The following SP140 variants were observed in gnomAD, a reference collection of about 807,000 sequenced individuals.
SP140 encodes the protein SP140 nuclear body protein.
In SP140, 81 loss-of-function variants were observed where a neutral mutation model predicts 125.0. That is an observed-to-expected ratio of 0.65 (90% CI 0.54 to 0.78). The LOEUF (loss-of-function observed/expected upper bound fraction) is 0.78. SP140 is among the 30% of genes least tolerant of loss of function. The pLI is 0.00. For missense variants in SP140, 858 were observed against 1,037.0 expected, an observed-to-expected ratio of 0.83 and a Z score of 2.37; for synonymous variants, 312 against 354.0, an observed-to-expected ratio of 0.88 and a Z score of 1.33.
In SP140 at chr2:230,290,504, T is replaced by C; in HGVS notation, c.1765T>C (p.Leu589=). The change falls in exon 19 of 27, where the codon TTG becomes CTG. Residue 589 remains leucine, a synonymous_variant. Transcript: ENST00000392045. ...TGAAACTGTGGATTTTAAGGCTCCT[T>C]TGCTTCCAGTGACCTGTGGTGGGGT... ...KDETVDFKAP[L]LPVTCGGVKG... is the part of the protein sequence containing the mutation. The C allele has an allele frequency of 6.2e-7, 1 of 1,613,996 alleles. No homozygotes were observed. The highest frequency in any genetic ancestry group is 8.5e-7 in the Non-Finnish European group (1 of 1,179,962).
intron 12 of SP140, among the ~76,000 whole-genome samples, chr2:230,259,000 T>C (rs2051730115): frequency 6.6e-6 from 1 of 152,172 alleles, no homozygotes; most frequent in Non-Finnish European, 1.5e-5. Flanking sequence ...TTGAGGCAAC[T>C]AGGATGAGAT....
At position 230,211,527 on chromosome 2, in the gene SP140, T is replaced by C; in HGVS notation, c.-322-2127T>C. ...TCTTGAGGGTCTTCTTTATCTCTTA[T>C]TTGGGGGATCAGGTTGTCACTGGCC... On this transcript the variant is annotated intron_variant, in intron 1 of 4. Transcript: ENST00000456542. This position sits in a 1 kb window ranked among gnomAD's most constrained non-coding sequence, Gnocchi z 4.2. 1 of 1,611,172 alleles carries C rather than the reference T, an allele frequency of 6.2e-7. No homozygotes were observed. The highest frequency in any genetic ancestry group is 8.5e-7 in the Non-Finnish European group (1 of 1,177,354).
At chr2:230,189,215 T>A in the SP140 span, among the ~76,000 whole-genome samples, 1 of 152,098 alleles carries the variant, frequency 6.6e-6, no homozygotes. Context: ...TCTTCTCTCA[T>A]CTTTCTTTTT....
intron 22 of SP140, among the ~76,000 whole-genome samples, chr2:230,308,794 C>T (rs1292475975): frequency 1.3e-5 from 2 of 152,202 alleles, no homozygotes; most frequent in Non-Finnish European, 2.9e-5. Context: ...GCAGAGCCGG[C>T]GGAGGACTTG....
intron 15 of SP140, among the ~76,000 whole-genome samples, chr2:230,274,764 C>CT (rs982560208): frequency 4.0e-5 from 6 of 150,734 alleles, no homozygotes; most frequent in African/African-American, 7.3e-5. Flanking sequence ...CACCTTTATG[C>CT]TTTTTTTTTC....
chr2:230,310,035 G>C lies in SP140; in HGVS notation c.2170G>C (p.Glu724Gln). Residue 724 changes from glutamate to glutamine, a missense_variant, in exon 23 of 27, where the codon GAG becomes CAG. Coordinates refer to ENST00000392045, the MANE Select transcript of SP140 (RefSeq NM_007237.5). The stretch of plus-strand genomic sequence containing the variant: ...CTGTCACATCCCGCCTGTGGAAGCT[G>C]AGAGGTAAGTGACATGCAGGCGTCT... ...EDCHIPPVEA[E>Q]RTPWNCIFCR... The C allele has an allele frequency of 1.9e-6, 3 of 1,614,144 alleles. No individual in the cohort carries two copies. Among genetic ancestry groups the C allele is most frequent in the Non-Finnish European group, 2.5e-6 (3 of 1,179,984 alleles).
At chr2:230,283,413 A>G (rs12694846) in intron 15 of SP140, among the ~76,000 whole-genome samples, 29,649 of 152,116 alleles carry the variant, frequency 0.19, 3,434 homozygotes, top group Non-Finnish European at 0.27. Flanking sequence ...CATTTTATAA[A>G]ATGTGCCTGG....
At chr2:230,283,344 T>C (rs1406294535) in intron 15 of SP140, among the ~76,000 whole-genome samples, 2 of 152,216 alleles carry the variant, frequency 1.3e-5, no homozygotes, top group Non-Finnish European at 2.9e-5. Flanking sequence ...TTGCCCTAAT[T>C]ATCTCCTTTT....
intron 3 of SP140, chr2:230,215,220 TAAG>T (rs2044974250): frequency 1.1e-6 from 1 of 916,670 alleles, no homozygotes; most frequent in Non-Finnish European, 1.7e-6. Context: ...CTTACTCTTT[TAAG>T]AAGAAATTCA....
intron 1 of SP140, among the ~76,000 whole-genome samples, chr2:230,235,522 T>C (rs1451933061): frequency 6.6e-6 from 1 of 152,232 alleles, no homozygotes; most frequent in Non-Finnish European, 1.5e-5. Context: ...AAATGGTGCA[T>C]GTCTGGAGAA....
chr2:230,252,227 G>A (rs748461295), intron 10 of SP140, among the ~76,000 whole-genome samples: 1 of 151,928 alleles, frequency 6.6e-6, no homozygotes, highest in Non-Finnish European at 1.5e-5. Flanking sequence ...CATAGCAGAT[G>A]TAGCATATCA....
chr2:230,218,351 A>G (rs1001445634), intron 3 of SP140, among the ~76,000 whole-genome samples: 7 of 152,222 alleles, frequency 4.6e-5, no homozygotes, highest in Non-Finnish European at 2.9e-5. Flanking sequence ...AAAAATACTC[A>G]TGAAAAGAAT....
At chr2:230,288,706 G>A (rs907305707) in intron 18 of SP140, among the ~76,000 whole-genome samples, 9 of 152,036 alleles carry the variant, frequency 5.9e-5, no homozygotes, top group African/African-American at 2.2e-4. Context: ...ACTTATGAGT[G>A]AGAGCATGTG....
At chr2:230,201,064 T>C (rs778962666), upstream of SP140, 1 of 917,242 alleles carries the variant, frequency 1.1e-6, no homozygotes, top group Admixed American at 1.7e-5. Context: ...AGTTGAGTCT[T>C]GGAGGCTCCA....
intron 19 of SP140, among the ~76,000 whole-genome samples, chr2:230,290,828 G>A (rs532651038): frequency 8.2e-4 from 125 of 152,294 alleles, no homozygotes; most frequent in African/African-American, 2.8e-3. Flanking sequence ...AAAATGTCAC[G>A]TATTTTACTT....
At chr2:230,234,486 A>G (rs2047691261) in intron 1 of SP140, among the ~76,000 whole-genome samples, 1 of 152,242 alleles carries the variant, frequency 6.6e-6, no homozygotes, top group African/African-American at 2.4e-5. Flanking sequence ...TTCTGCCCTC[A>G]TACGTGAATC....
At chr2:230,311,886 A>C (rs543028982) in intron 26 of SP140, among the ~76,000 whole-genome samples, 1 of 152,318 alleles carries the variant, frequency 6.6e-6, no homozygotes, top group Non-Finnish European at 1.5e-5. Context: ...TGCAGCATAT[A>C]AAGAGGAGAG....
Position 230,287,917 on chromosome 2 carries a change from C to T in SP140, c.1671C>T (p.Thr557=), listed in dbSNP as rs762722293. ...IRGRKRGKPG[T]RFTQSDRAAQ... ...GGAGAAAGAGAGGCAAACCTGGAAC[C>T]CGCTTCACTCAGAGTGACAGAGCTG... Residue 557 remains threonine (T), a synonymous_variant, in exon 18 of 27, where the codon ACC becomes ACT. Coordinates refer to ENST00000392045, the MANE Select transcript of SP140 (RefSeq NM_007237.5). The T allele has an allele frequency of 6.2e-7, 1 of 1,612,010 alleles. No individual in the cohort carries two copies. Among genetic ancestry groups the T allele is most frequent in the Non-Finnish European group, 8.5e-7 (1 of 1,179,698 alleles).
chr2:230,271,074 C>T (rs1256417648), intron 15 of SP140, among the ~76,000 whole-genome samples: 1 of 152,182 alleles, frequency 6.6e-6, no homozygotes, highest in Non-Finnish European at 1.5e-5. Flanking sequence ...ATAGCTTGTC[C>T]TTTCCAGCTC....
Sources: gnomAD v4.1 joint callset for allele counts (sites outside exome capture counted in the v4.1 genomes callset) on GRCh38, gnomAD v4.1.1 for gene constraint, Gnocchi (gnomAD v3.1) non-coding constraint, MANE v1.5 for transcripts, NCBI Gene and HGNC (gene_info 2026-07-23, HGNC 2026-07-21) for gene names.